GALNTL6: variants seen among roughly 807,000 people sequenced by gnomAD.
The protein encoded by GALNTL6 is polypeptide N-acetylgalactosaminyltransferase-like 6.
GALNTL6 carries 46 observed loss-of-function variants against 73.7 expected under a neutral mutation model. The observed-to-expected ratio is 0.62, with a 90% CI of 0.49 to 0.80. GALNTL6 has a LOEUF of 0.80. GALNTL6 is among the 30% of genes least tolerant of loss of function. The probability of loss-of-function intolerance (pLI) is 0.00; values close to 1 mark genes in which losing one functional copy is unlikely to be tolerated. For synonymous variants in GALNTL6, 259 were observed against 263.7 expected (o/e 0.98, Z 0.17); for missense variants, 604 against 755.0 (o/e 0.80, Z 2.34).
intron 7 of GALNTL6, among the ~76,000 whole-genome samples, chr4:172,874,404 AG>A (rs1307329669): frequency 6.6e-6 from 1 of 152,250 alleles, no homozygotes; most frequent in Non-Finnish European, 1.5e-5. Flanking sequence ...ACATTGTGTC[AG>A]GGTCTCAGGG....
At chr4:172,428,201 T>C (rs1447083245) in intron 5 of GALNTL6, among the ~76,000 whole-genome samples, 1 of 152,194 alleles carries the variant, frequency 6.6e-6, no homozygotes, top group African/African-American at 2.4e-5. Context: ...ATTTATGTTT[T>C]CACTGTTCAG....
At chr4:172,007,287 T>C (rs948335925) in intron 2 of GALNTL6, among the ~76,000 whole-genome samples, 3 of 152,084 alleles carry the variant, frequency 2.0e-5, no homozygotes, top group African/African-American at 7.2e-5. Context: ...GTTTCATGTG[T>C]TTTTGAAATG....
At chr4:172,071,014 T>C (rs1312765460) in intron 2 of GALNTL6, among the ~76,000 whole-genome samples, 1 of 109,694 alleles carries the variant, frequency 9.1e-6, no homozygotes, top group Admixed American at 9.6e-5. Context: ...CACAGAAGGT[T>C]TTACACATGT....
chr4:172,303,118 G>A (rs1302195721), intron 3 of GALNTL6, among the ~76,000 whole-genome samples: 3 of 152,038 alleles, frequency 2.0e-5, no homozygotes. Context: ...TCCTGCCTCA[G>A]CCTCCCGAGT....
At chr4:171,956,811 G>A (rs1212192075) in intron 2 of GALNTL6, among the ~76,000 whole-genome samples, 2 of 152,036 alleles carry the variant, frequency 1.3e-5, no homozygotes, top group African/African-American at 2.4e-5. Context: ...ATTCCTTTGC[G>A]TGACTCATTC....
At chr4:172,191,417 A>T (rs926039092) in intron 2 of GALNTL6, among the ~76,000 whole-genome samples, 6 of 152,196 alleles carry the variant, frequency 3.9e-5, no homozygotes, top group Non-Finnish European at 8.8e-5. Flanking sequence ...AGCCATAGGG[A>T]TCTATGTAGA....
intron 4 of GALNTL6, among the ~76,000 whole-genome samples, chr4:172,318,059 T>C (rs1210008640): frequency 2.0e-5 from 3 of 152,038 alleles, no homozygotes; most frequent in Non-Finnish European, 4.4e-5. Context: ...AAGCAGGAGA[T>C]TGAAAGAAGG....
At position 172,069,585 on chromosome 4, in the gene GALNTL6, A is replaced by ACACATGTGT. The variant is rs1553989818; in HGVS notation, c.139-160071_139-160070insCACATGTGT. On this transcript the variant is annotated intron_variant, in intron 2 of 12. Coordinates refer to ENST00000506823, the MANE Select transcript of GALNTL6 (RefSeq NM_001034845.3). ...ATATAACACATATATGTTATATATTATATATATAACACATATATGTTATAT... is the reference window on the plus strand; with the variant it reads ...ATATAACACATATATGTTATATATTACACATGTGTTATATATAACACATATATGTTATAT... Among the ~76,000 whole-genome samples, 3 of 23,416 alleles carry ACACATGTGT rather than the reference A, an allele frequency of 1.3e-4. 1 individual carries two copies. Among genetic ancestry groups the ACACATGTGT allele is most frequent in the Non-Finnish European group, 4.0e-4 (3 of 7,416 alleles). 15.4% of individuals were successfully genotyped at this position (23,416 alleles called of 152,430 possible).
intron 5 of GALNTL6, among the ~76,000 whole-genome samples, chr4:172,725,540 A>G (rs185510214): frequency 2.3e-4 from 35 of 152,364 alleles, no homozygotes; most frequent in African/African-American, 8.4e-4. Flanking sequence ...TATAAACAGT[A>G]TAAATGTTCC....
intron 5 of GALNTL6, among the ~76,000 whole-genome samples, chr4:172,785,107 T>C (rs1425113656): frequency 6.6e-6 from 1 of 152,160 alleles, no homozygotes; most frequent in Admixed American, 6.5e-5. Context: ...CCCAGTATGT[T>C]CTGAGAGTTA....
intron 5 of GALNTL6, among the ~76,000 whole-genome samples, chr4:172,550,632 C>G (rs1735921832): frequency 6.6e-6 from 1 of 152,064 alleles, no homozygotes; most frequent in African/African-American, 2.4e-5. Flanking sequence ...GGATCTTGCT[C>G]TATCACTCAG....
At chr4:172,722,552 T>A (rs1735542771) in intron 5 of GALNTL6, among the ~76,000 whole-genome samples, 1 of 152,120 alleles carries the variant, frequency 6.6e-6, no homozygotes, top group African/African-American at 2.4e-5. Context: ...CTCAGGAACA[T>A]TTTGATTTTT....
At chr4:172,670,893 T>G (rs1309226048) in intron 5 of GALNTL6, among the ~76,000 whole-genome samples, 2 of 152,186 alleles carry the variant, frequency 1.3e-5, no homozygotes, top group African/African-American at 4.8e-5. Flanking sequence ...CCAGCACCAT[T>G]TATTGAATAG....
chr4:172,870,728 GAC>G lies in GALNTL6; in HGVS notation c.924-12059_924-12058del, dbSNP rs1316881324. 2.0e-5 allele frequency among the ~76,000 whole-genome samples: 3 copies of G among 152,220 alleles called. No homozygotes were observed. In the East Asian group the frequency reaches 5.8e-4, roughly 29 times the overall value. On this transcript the variant is annotated intron_variant, in intron 7 of 12. Transcript: ENST00000506823. ...ACAGTTCAGACCGGCCTAGGACAGA[GAC>G]ACCTGGTTTACTGATGACAAATCTT...
At chr4:172,902,069 G>A (rs1746657474) in intron 8 of GALNTL6, among the ~76,000 whole-genome samples, 1 of 152,148 alleles carries the variant, frequency 6.6e-6, no homozygotes, top group Non-Finnish European at 1.5e-5. Flanking sequence ...ATGTATGCCA[G>A]GCATTGTTCC....
At chr4:172,199,782 T>A (rs72998338) in intron 2 of GALNTL6, among the ~76,000 whole-genome samples, 3,448 of 152,284 alleles carry the variant, frequency 0.023, 131 homozygotes, top group African/African-American at 0.077. Flanking sequence ...CTTGCTTGCT[T>A]GTTTTAAATA....
chr4:172,744,309 C>T (rs1259399585), intron 5 of GALNTL6, among the ~76,000 whole-genome samples: 3 of 152,070 alleles, frequency 2.0e-5, no homozygotes, highest in Non-Finnish European at 4.4e-5. Flanking sequence ...TAATAAATTC[C>T]CTTTCCTAAG....
intron 5 of GALNTL6, among the ~76,000 whole-genome samples, chr4:172,738,389 T>C (rs111244376): frequency 7.8e-4 from 119 of 152,262 alleles, no homozygotes; most frequent in African/African-American, 2.7e-3. Context: ...CAGCGCTGTA[T>C]ATTTGGACTT....
chr4:172,010,172 C>T lies in GALNTL6; in HGVS notation c.138+195454C>T, dbSNP rs370883689. Among the ~76,000 whole-genome samples, 3 of 152,130 alleles carry T rather than the reference C, an allele frequency of 2.0e-5. No individual in the cohort carries two copies. In the East Asian group the frequency reaches 5.8e-4, roughly 29 times the overall value. On this transcript the variant is annotated intron_variant, in intron 2 of 12. Transcript: ENST00000506823. ...AAGAGAGCAGTGGGATCTTTAGCTTCTTTATTACAAAAGCAGTCAGATATT... is the reference window on the plus strand; with the variant it reads ...AAGAGAGCAGTGGGATCTTTAGCTTTTTTATTACAAAAGCAGTCAGATATT...
Sources: allele counts gnomAD v4.1 joint callset (sites outside exome capture counted in the v4.1 genomes callset), GRCh38; gene constraint gnomAD v4.1.1; transcripts MANE v1.5; gene names NCBI Gene and HGNC (gene_info 2026-07-23, HGNC 2026-07-21).